TNFRSF8: variants seen among roughly 807,000 people sequenced by gnomAD.
TNFRSF8 encodes TNF receptor superfamily member 8.
In TNFRSF8, 26 loss-of-function variants were observed where a neutral mutation model predicts 70.8. The ratio of observed to expected loss-of-function variants is 0.37; its 90% CI spans 0.27 to 0.51. TNFRSF8 has a LOEUF of 0.51. Among genes scored for constraint, TNFRSF8 ranks in the 20% least tolerant of loss-of-function variants. TNFRSF8 has a pLI of 0.94. For synonymous variants in TNFRSF8, 356 were observed against 339.2 expected (o/e 1.05, Z -0.54); for missense variants, 720 against 807.9 (o/e 0.89, Z 1.32).
Position 12,063,532 on chromosome 1 carries a change from G to A in TNFRSF8, c.-67G>A. 1.6e-6 allele frequency: 2 copies of A among 1,276,524 alleles called. No individual in the cohort carries two copies. Among genetic ancestry groups the A allele is most frequent in the South Asian group, 2.4e-5 (1 of 42,444 alleles). 79.1% of individuals were successfully genotyped at this position (1,276,524 alleles called of 1,614,324 possible). ...AGAACCGCCGGGACCGCACGTGGGCGCCGCGCGCTTCCCCCGCTTCCCAGG... is the reference window on the plus strand; with the variant it reads ...AGAACCGCCGGGACCGCACGTGGGCACCGCGCGCTTCCCCCGCTTCCCAGG... On this transcript the variant is annotated 5_prime_UTR_variant, in exon 1 of 15. Transcript: ENST00000263932. The surrounding 1 kb of genome is among the most constrained non-coding windows in gnomAD (Gnocchi z 7.2).
chr1:12,121,646 G>A (rs1641831085), intron 8 of TNFRSF8, among the ~76,000 whole-genome samples: 1 of 152,208 alleles, frequency 6.6e-6, no homozygotes, highest in Non-Finnish European at 1.5e-5. Flanking sequence ...CAAGGTAGCT[G>A]GGTCAGACCA....
chr1:12,097,063 G>C (rs1443273171), intron 2 of TNFRSF8, 38 bp from the exon 3 acceptor site: 1 of 1,577,954 alleles, frequency 6.3e-7, no homozygotes. Flanking sequence ...CCTTTGCTAA[G>C]TCAGCCTGGC....
intron 10 of TNFRSF8, 100 bp downstream of exon 10, chr1:12,123,927 T>C (rs974319379): frequency 1.0e-5 from 11 of 1,073,472 alleles, no homozygotes; most frequent in Non-Finnish European, 1.5e-5. Context: ...TTTGTGGGTA[T>C]GGTCTGAGAA....
At position 12,125,991 on chromosome 1, in the gene TNFRSF8, G is replaced by A. The variant is rs1641930518; in HGVS notation, c.1194G>A (p.Val398=). The change falls in exon 11 of 15, where the codon GTG becomes GTA. Residue 398 remains valine (V), a synonymous_variant. Transcript: ENST00000263932. Reference sequence around the variant, plus strand: ...GGGTGATCCTGGTGTTGGTTGTGGTGGTCGGCTCCAGCGCCTTCCTCCTGT... The same window carrying A: ...GGGTGATCCTGGTGTTGGTTGTGGTAGTCGGCTCCAGCGCCTTCCTCCTGT... ...LFWVILVLVV[V]VGSSAFLLCH... is the part of the protein sequence containing the mutation. The A allele has an allele frequency of 6.2e-7, 1 of 1,614,196 alleles. No homozygotes were observed. The highest frequency in any genetic ancestry group is 8.5e-7 in the Non-Finnish European group (1 of 1,180,022).
At chr1:12,069,387 C>T (rs912048582) in intron 1 of TNFRSF8, among the ~76,000 whole-genome samples, 23 of 151,308 alleles carry the variant, frequency 1.5e-4, no homozygotes, top group African/African-American at 5.4e-4. Context: ...CCATGTTAGC[C>T]GGGCTGGTCT....
chr1:12,099,462 ATT>A (rs1021980361), intron 3 of TNFRSF8, among the ~76,000 whole-genome samples: 9 of 151,860 alleles, frequency 5.9e-5, no homozygotes, highest in Non-Finnish European at 7.4e-5. Flanking sequence ...TTATCTTTAA[ATT>A]TTAAGACAGG....
At chr1:12,066,513 C>T (rs1246374629) in intron 1 of TNFRSF8, among the ~76,000 whole-genome samples, 2 of 152,078 alleles carry the variant, frequency 1.3e-5, no homozygotes, top group Non-Finnish European at 2.9e-5. Context: ...GCCATCATGC[C>T]TGGCTAATTT....
rs1641789758 is a variant in TNFRSF8 at position 12,119,348 on chromosome 1, C to G, written c.946+3619C>G. On this transcript the variant is annotated intron_variant, in intron 8 of 14. Transcript: ENST00000263932. The surrounding 1 kb of genome is among the most constrained non-coding windows in gnomAD (Gnocchi z 4.4). ...CAAAGTGCTCCAGGCGTCTCCCCCA[C>G]AGTGGCAGCCTCAATTTCTCTGTGC... 6.6e-6 allele frequency among the ~76,000 whole-genome samples: 1 copy of G among 152,182 alleles called. No homozygotes were observed. Among genetic ancestry groups the G allele is most frequent in the Admixed American group, 6.5e-5 (1 of 15,272 alleles).
chr1:12,075,242 A>G (rs78794404), intron 1 of TNFRSF8, among the ~76,000 whole-genome samples: 1 of 125,340 alleles, frequency 8.0e-6, no homozygotes, highest in Non-Finnish European at 1.6e-5. Flanking sequence ...AGACTCTGCC[A>G]AAAAAAAAAT....
At position 12,071,787 on chromosome 1, in the gene TNFRSF8, T is replaced by C. The variant is rs535449354; in HGVS notation, c.63+8126T>C. On this transcript the variant is annotated intron_variant, in intron 1 of 14. Coordinates refer to ENST00000263932, the MANE Select transcript of TNFRSF8 (RefSeq NM_001243.5). ...CATGTTGGCCAGGCTGGCCTCGAACTCCTGGCCTCAAGTGATCCACCTGCC... is the reference window on the plus strand; with the variant it reads ...CATGTTGGCCAGGCTGGCCTCGAACCCCTGGCCTCAAGTGATCCACCTGCC... Among the ~76,000 whole-genome samples, 54 of 152,272 alleles carry C rather than the reference T, an allele frequency of 3.5e-4. 1 individual carries two copies. Among genetic ancestry groups the C allele is most frequent in the African/African-American group, 9.6e-4 (40 of 41,562 alleles).
chr1:12,084,535 T>C lies in TNFRSF8; in HGVS notation c.135T>C (p.Cys45=). The C allele has an allele frequency of 6.2e-7, 1 of 1,613,932 alleles. No individual in the cohort carries two copies. Among genetic ancestry groups the C allele is most frequent in the South Asian group, 1.1e-5 (1 of 91,072 alleles). ...ATGACAAGGCTGTCAGGAGGTGCTG[T>C]TACCGCTGCCCCATGGGTGAGTGGG... ...HYYDKAVRRC[C]YRCPMGLFPT... is the part of the protein sequence containing the mutation. The change falls in exon 2 of 15, where the codon TGT becomes TGC. Residue 45 remains cysteine, a synonymous_variant. Coordinates refer to ENST00000263932, the MANE Select transcript of TNFRSF8 (RefSeq NM_001243.5).
chr1:12,076,778 G>C (rs1157671773), intron 1 of TNFRSF8, among the ~76,000 whole-genome samples: 1 of 152,190 alleles, frequency 6.6e-6, no homozygotes, highest in Non-Finnish European at 1.5e-5. Context: ...GTTTCAGGTA[G>C]TCTCTTGGTC....
chr1:12,123,656 T>C (rs1034462392), intron 9 of TNFRSF8, 59 bp from the exon 10 acceptor site: 21 of 1,414,414 alleles, frequency 1.5e-5, no homozygotes, highest in Non-Finnish European at 1.9e-5. Context: ...GAATTATTCC[T>C]GAAGACCCAC....
chr1:12,064,540 G>A (rs1049935650), intron 1 of TNFRSF8, among the ~76,000 whole-genome samples: 1 of 152,090 alleles, frequency 6.6e-6, no homozygotes. Context: ...AAAGGAAGGA[G>A]CAGGCTGTTA....
rs570052473 is a variant in TNFRSF8, at chr1:12,104,335, C to T, written c.269-44C>T. The T allele has an allele frequency of 1.4e-5, 23 of 1,611,904 alleles. No homozygotes were observed. The South Asian group carries it at 2.3e-4, about 16-fold the overall frequency. On this transcript the variant is annotated intron_variant, in intron 3 of 14. Coordinates refer to ENST00000263932, the MANE Select transcript of TNFRSF8 (RefSeq NM_001243.5). ...ATCTCAAGAGCTATCTGGAGAGACG[C>T]CTTCCTTCTGTTCCCCTCTGTGACC...
intron 8 of TNFRSF8, among the ~76,000 whole-genome samples, chr1:12,118,283 G>C (rs971148718): frequency 1.3e-5 from 2 of 151,744 alleles, no homozygotes; most frequent in African/African-American, 4.8e-5. Context: ...GCTAATTTTT[G>C]TATTTTTAGT....
In TNFRSF8 at chr1:12,141,026, T is replaced by C. The variant is rs6678038; in HGVS notation, c.1544-1261T>C. Among the ~76,000 whole-genome samples the C allele has an allele frequency of 0.048, 7,243 of 152,254 alleles. 613 individuals are homozygous for C. Among genetic ancestry groups the C allele is most frequent in the African/African-American group, 0.17 (6,884 of 41,536 alleles). ...CTGTGGGGGCGCCCAGCCCATAGCCTGTCCCGCACTCTGGGCCTTCTCCTC... is the reference window on the plus strand; with the variant it reads ...CTGTGGGGGCGCCCAGCCCATAGCCCGTCCCGCACTCTGGGCCTTCTCCTC... On this transcript the variant is annotated intron_variant, in intron 14 of 14. Coordinates refer to ENST00000263932, the MANE Select transcript of TNFRSF8 (RefSeq NM_001243.5). The surrounding 1 kb of genome is among the most constrained non-coding windows in gnomAD (Gnocchi z 5.4).
chr1:12,107,764 GT>G (rs988008649), intron 4 of TNFRSF8, among the ~76,000 whole-genome samples: 4 of 151,750 alleles, frequency 2.6e-5, no homozygotes, highest in Non-Finnish European at 4.4e-5. Context: ...CGGGGTTGTT[GT>G]TTTTTTTCCA....
At chr1:12,080,495 G>A in intron 1 of TNFRSF8, 1 of 510,744 alleles carries the variant, frequency 2.0e-6, no homozygotes, top group South Asian at 1.4e-5. Context: ...CTTGATAGCA[G>A]AGTGGTCGAG....
Sources: gnomAD v4.1 joint callset for allele counts (sites outside exome capture counted in the v4.1 genomes callset) on GRCh38, gnomAD v4.1.1 for gene constraint, Gnocchi (gnomAD v3.1) non-coding constraint, MANE v1.5 for transcripts, NCBI Gene and HGNC (gene_info 2026-07-23, HGNC 2026-07-21) for gene names.